HECW1: variants seen among roughly 807,000 people sequenced by gnomAD.
HECW1 encodes E3 ubiquitin-protein ligase HECW1.
HECW1 carries 61 observed loss-of-function variants against 182.3 expected under a neutral mutation model. The observed-to-expected ratio is 0.33, with a 90% CI of 0.27 to 0.41. The LOEUF (loss-of-function observed/expected upper bound fraction) is 0.41. HECW1 is among the 10% of genes least tolerant of loss of function. The probability of loss-of-function intolerance (pLI) is 1.00; values close to 1 mark genes in which losing one functional copy is unlikely to be tolerated. For synonymous variants in HECW1, 859 were observed against 832.6 expected, an observed-to-expected ratio of 1.03 and a Z score of -0.55; for missense variants, 1,739 against 2,108.9, an observed-to-expected ratio of 0.82 and a Z score of 3.44.
At chr7:43,517,070 C>T (rs1211219165) in intron 24 of HECW1, among the ~76,000 whole-genome samples, 1 of 152,170 alleles carries the variant, frequency 6.6e-6, no homozygotes, top group Admixed American at 6.5e-5. Flanking sequence ...CTTGTGCTAA[C>T]ATGTATCATT....
At chr7:43,125,886 T>C (rs1302828074) in intron 2 of HECW1, among the ~76,000 whole-genome samples, 1 of 151,736 alleles carries the variant, frequency 6.6e-6, no homozygotes, top group African/African-American at 2.4e-5. Context: ...TGTCCCATCC[T>C]GGAGAAGTGA....
At chr7:43,281,118 C>T (rs778250798) in intron 3 of HECW1, among the ~76,000 whole-genome samples, 11 of 152,126 alleles carry the variant, frequency 7.2e-5, no homozygotes, top group Non-Finnish European at 1.6e-4. Context: ...CACAGCAGTT[C>T]TGCACCCCTC....
chr7:43,333,768 G>A (rs568099549), intron 5 of HECW1, among the ~76,000 whole-genome samples: 9 of 152,142 alleles, frequency 5.9e-5, no homozygotes, highest in East Asian at 5.8e-4. Context: ...AGGGAAATGC[G>A]GGCAGAGGGA....
intron 3 of HECW1, among the ~76,000 whole-genome samples, chr7:43,284,223 T>A (rs1046723605): frequency 6.6e-6 from 1 of 152,210 alleles, no homozygotes; most frequent in Non-Finnish European, 1.5e-5. Flanking sequence ...TTTTTAAACA[T>A]TTTTTAATTG....
intron 3 of HECW1, among the ~76,000 whole-genome samples, chr7:43,268,768 T>C (rs1451233897): frequency 6.6e-6 from 1 of 151,440 alleles, no homozygotes; most frequent in Non-Finnish European, 1.5e-5. Context: ...TTGTTGTTGT[T>C]GTTGTTTGTT....
rs559990474 is a variant in HECW1 at position 43,143,457 on chromosome 7, T to A, written c.-32+29066T>A. Among the ~76,000 whole-genome samples, 380 of 152,110 alleles carry A rather than the reference T, an allele frequency of 2.5e-3. 4 individuals are homozygous for A. The highest frequency in any genetic ancestry group is 8.6e-3 in the African/African-American group (357 of 41,486). On this transcript the variant is annotated intron_variant, in intron 2 of 29. Transcript: ENST00000395891. ...CACCACCATGCCTGGCTAATTTTTT[T>A]ATTTTTTTGTTAGAGACAGGCTCTC...
chr7:43,406,684 G>A (rs1308335013), intron 7 of HECW1, among the ~76,000 whole-genome samples: 5 of 152,124 alleles, frequency 3.3e-5, no homozygotes, highest in Non-Finnish European at 4.4e-5. Context: ...TTGGGAGGCC[G>A]AGGCGGGCGG....
intron 24 of HECW1, among the ~76,000 whole-genome samples, chr7:43,515,947 A>G (rs2080127521): frequency 1.3e-5 from 2 of 152,230 alleles, no homozygotes; most frequent in African/African-American, 4.8e-5. Flanking sequence ...ATGCATGAAT[A>G]TTGCAAATGC....
At chr7:43,136,046 A>T (rs1340049245) in intron 2 of HECW1, among the ~76,000 whole-genome samples, 2 of 150,372 alleles carry the variant, frequency 1.3e-5, no homozygotes, top group East Asian at 3.9e-4. Flanking sequence ...AATTCTTAGA[A>T]TTGCACTCCC....
chr7:43,384,506 G>A (rs532611954), intron 6 of HECW1, among the ~76,000 whole-genome samples: 1 of 151,978 alleles, frequency 6.6e-6, no homozygotes, highest in South Asian at 2.1e-4. Context: ...ATGTCCATAG[G>A]AAAAAAGATG....
intron 5 of HECW1, among the ~76,000 whole-genome samples, chr7:43,352,236 C>G (rs1352515344): frequency 1.3e-5 from 2 of 152,132 alleles, no homozygotes; most frequent in African/African-American, 4.8e-5. Context: ...AAAAAACTTT[C>G]AGGACATCTA....
chr7:43,542,307 C>T (rs1354386811), intron 26 of HECW1, among the ~76,000 whole-genome samples: 1 of 152,018 alleles, frequency 6.6e-6, no homozygotes, highest in African/African-American at 2.4e-5. Context: ...TTTTTTGTGG[C>T]TGACTTATTT....
intron 2 of HECW1, among the ~76,000 whole-genome samples, chr7:43,226,017 C>T (rs1350660779): frequency 6.6e-6 from 1 of 152,116 alleles, no homozygotes; most frequent in Non-Finnish European, 1.5e-5. Flanking sequence ...AAGCAATCCT[C>T]CCGCTTTGGC....
At chr7:43,340,142 CTTAG>C (rs993981637) in intron 5 of HECW1, among the ~76,000 whole-genome samples, 83 of 151,982 alleles carry the variant, frequency 5.5e-4, no homozygotes, top group African/African-American at 1.9e-3. Context: ...AATCAGCTTA[CTTAG>C]TTAGCTGTAG....
chr7:43,273,843 T>G (rs1370178064), intron 3 of HECW1, among the ~76,000 whole-genome samples: 1 of 150,904 alleles, frequency 6.6e-6, no homozygotes, highest in East Asian at 1.9e-4. Flanking sequence ...TGACAGAAGT[T>G]GTAAAATATG....
chr7:43,523,780 GA>G (rs1346461795), intron 24 of HECW1, among the ~76,000 whole-genome samples: 1 of 152,152 alleles, frequency 6.6e-6, no homozygotes, highest in Non-Finnish European at 1.5e-5. Context: ...ATATGAGGGG[GA>G]TTAGATAAAA....
At chr7:43,460,825 C>T (rs1255460081) in intron 13 of HECW1, among the ~76,000 whole-genome samples, 1 of 152,166 alleles carries the variant, frequency 6.6e-6, no homozygotes, top group Non-Finnish European at 1.5e-5. Flanking sequence ...CAAACTGCCT[C>T]TGTGCTTCGG....
At chr7:43,283,477 T>C (rs557917093) in intron 3 of HECW1, among the ~76,000 whole-genome samples, 48 of 152,320 alleles carry the variant, frequency 3.2e-4, no homozygotes, top group African/African-American at 1.1e-3. Flanking sequence ...GCATAAAATA[T>C]GTTATCCATT....
chr7:43,335,934 TTTTC>T (rs879581909), intron 5 of HECW1, among the ~76,000 whole-genome samples: 34 of 150,856 alleles, frequency 2.3e-4, no homozygotes, highest in East Asian at 5.9e-4. Flanking sequence ...CTTTCTTTCT[TTTTC>T]TTTCTTTCTT....
Sources: gnomAD v4.1 joint callset for allele counts (sites outside exome capture counted in the v4.1 genomes callset) on GRCh38, gnomAD v4.1.1 for gene constraint, MANE v1.5 for transcripts, NCBI Gene and HGNC (gene_info 2026-07-23, HGNC 2026-07-21) for gene names.